Variants in HID1 observed in about 807,000 individuals in gnomAD.
The protein encoded by HID1 is protein HID1.
HID1 carries 42 observed loss-of-function variants against 89.7 expected under a neutral mutation model. The ratio of observed to expected loss-of-function variants is 0.47; its 90% confidence interval spans 0.37 to 0.61. HID1 has a LOEUF of 0.61. Among genes scored for constraint, HID1 ranks in the 20% least tolerant of loss-of-function variants. HID1 has a pLI of 0.00. For missense variants in HID1, 854 were observed against 1,039.3 expected (o/e 0.82, Z 2.45); for synonymous variants, 442 against 433.8 (o/e 1.02, Z -0.24).
chr17:74,958,870 T>G lies in HID1; in HGVS notation c.1149+41A>C. The G allele has an allele frequency of 6.3e-7, 1 of 1,582,662 alleles. No individual in the cohort carries two copies. The highest frequency in any genetic ancestry group is 1.2e-5 in the South Asian group (1 of 86,126). On this transcript the variant is annotated intron_variant, in intron 9 of 18. Coordinates refer to ENST00000425042, the MANE Select transcript of HID1 (RefSeq NM_030630.3). The surrounding 1 kb of genome is among the most constrained non-coding windows in gnomAD (Gnocchi z 5.2). ...CCTGCCCCCGGGTTATTGGGGCAGC[T>G]GCTCTCCATCTCCCTGCAGGGCCCC...
rs1332533119 is a variant in HID1, at chr17:74,963,045, C to T, written c.424G>A (p.Ala142Thr). ...GCAATGGCCAGGAGCAGGGACTCGG[C>T]CAGGGGCCTGGCATGCTCATCATCC... Reference protein sequence around the residue: ...EEDDEHARPLAESLLLAIADL... With the variant: ...EEDDEHARPLTESLLLAIADL... The change falls in exon 4 of 19, where the codon GCC becomes ACC. Residue 142 changes from alanine (A) to threonine (T), a missense_variant. Ala to Thr is a moderately conservative substitution (Grantham distance 58, BLOSUM62 0). Transcript: ENST00000425042. 1 of 1,613,010 alleles carries T rather than the reference C, an allele frequency of 6.2e-7. No homozygotes were observed. The highest frequency in any genetic ancestry group is 8.5e-7 in the Non-Finnish European group (1 of 1,179,504).
chr17:74,958,228 G>A lies in HID1; in HGVS notation c.1393-9C>T. 1 of 1,609,840 alleles carries A rather than the reference G, an allele frequency of 6.2e-7. No homozygotes were observed. The highest frequency in any genetic ancestry group is 8.5e-7 in the Non-Finnish European group (1 of 1,178,268). Reference sequence around the variant, plus strand: ...ATGATCTTGTGGAACACCTGTGCCAGGAGGGACAGAGGCACCGTGGGGTCC... The same window carrying A: ...ATGATCTTGTGGAACACCTGTGCCAAGAGGGACAGAGGCACCGTGGGGTCC... On this transcript the variant is annotated splice_polypyrimidine_tract_variant and intron_variant, in intron 11 of 18. Transcript: ENST00000425042. The surrounding 1 kb of genome is among the most constrained non-coding windows in gnomAD (Gnocchi z 5.2).
chr17:74,952,456 A>G, intron 16 of HID1, 96 bp from the exon 17 acceptor site: 1 of 815,100 alleles, frequency 1.2e-6, no homozygotes, highest in Admixed American at 2.1e-5. Context: ...TCCCCAAGGC[A>G]GAAAGTACCC....
intron 2 of HID1, 153 bp downstream of exon 2, chr17:74,964,330 G>A (rs901882733): frequency 2.0e-5 from 17 of 859,940 alleles, no homozygotes; most frequent in Admixed American, 2.9e-5. Context: ...TGGTCCCAAC[G>A]CCCAGCAAAG....
At chr17:74,964,668 C>T (rs1567964446) in intron 1 of HID1, 36 bp from the exon 2 acceptor site, 3 of 1,595,054 alleles carry the variant, frequency 1.9e-6, no homozygotes, top group Non-Finnish European at 1.7e-6. Flanking sequence ...TTACACAACT[C>T]CTGGCCAGAG....
rs373324483 is a variant in HID1 at position 74,953,657 on chromosome 17, C to A, written c.1865-6G>T. ...CTCGGTCAGCTTGTCAATGCCTGGG[C>A]AGGGCACAGGTGGGAGTGAGGACTC... is the stretch of plus-strand genomic sequence containing the variant. On this transcript the variant is annotated splice_region_variant and splice_polypyrimidine_tract_variant and intron_variant, in intron 14 of 18. Coordinates refer to ENST00000425042, the MANE Select transcript of HID1 (RefSeq NM_030630.3). The A allele has an allele frequency of 2.0e-5, 33 of 1,612,666 alleles. No individual in the cohort carries two copies. Among genetic ancestry groups the A allele is most frequent in the African/African-American group, 2.7e-5 (2 of 74,916 alleles).
chr17:74,962,046 G>T lies in HID1; in HGVS notation c.612-57C>A. 1 of 1,328,944 alleles carries T rather than the reference G, an allele frequency of 7.5e-7. No homozygotes were observed. The highest frequency in any genetic ancestry group is 1.0e-6 in the Non-Finnish European group (1 of 977,912). The allele number at this position is 1,328,944 out of a possible 1,614,324, so 82.3% of individuals were successfully genotyped here. The stretch of plus-strand genomic sequence containing the variant: ...ATCCCAGTCCCCTCTTGGAGGTTCT[G>T]CCCACCCAGCCCAGCGCCCCAGCCC... On this transcript the variant is annotated intron_variant, in intron 5 of 18. Coordinates refer to ENST00000425042, the MANE Select transcript of HID1 (RefSeq NM_030630.3). This position sits in a 1 kb window ranked among gnomAD's most constrained non-coding sequence, Gnocchi z 4.3.
Position 74,953,659 on chromosome 17 carries a change from G to A in HID1, c.1865-8C>T. ...CGGTCAGCTTGTCAATGCCTGGGCA[G>A]GGCACAGGTGGGAGTGAGGACTCCC... On this transcript the variant is annotated splice_region_variant and splice_polypyrimidine_tract_variant and intron_variant, in intron 14 of 18. Transcript: ENST00000425042. 6.2e-7 allele frequency: 1 copy of A among 1,610,534 alleles called. No homozygotes were observed. The highest frequency in any genetic ancestry group is 8.5e-7 in the Non-Finnish European group (1 of 1,176,706).
intron 3 of HID1, 186 bp from the exon 4 acceptor site, chr17:74,963,267 G>A: frequency 1.8e-6 from 1 of 559,140 alleles, no homozygotes; most frequent in East Asian, 3.1e-5. Flanking sequence ...GCACAGCAGG[G>A]AGCCGGGCCG....
At position 74,958,298 on chromosome 17, in the gene HID1, C is replaced by T. The variant is rs771830976; in HGVS notation, c.1392+29G>A. On this transcript the variant is annotated intron_variant, in intron 11 of 18. Coordinates refer to ENST00000425042, the MANE Select transcript of HID1 (RefSeq NM_030630.3). This position sits in a 1 kb window ranked among gnomAD's most constrained non-coding sequence, Gnocchi z 5.2. ...CCAAGAGGACACCACCCCTGCACCTCCTGGGCCCGGCCGCACGAGCCCCCT... is the reference window on the plus strand; with the variant it reads ...CCAAGAGGACACCACCCCTGCACCTTCTGGGCCCGGCCGCACGAGCCCCCT... 1 of 1,611,434 alleles carries T rather than the reference C, an allele frequency of 6.2e-7. No individual in the cohort carries two copies. The highest frequency in any genetic ancestry group is 1.7e-5 in the Admixed American group (1 of 59,742).
intron 1 of HID1, among the ~76,000 whole-genome samples, chr17:74,969,479 C>A (rs2039613122): frequency 6.6e-6 from 1 of 152,190 alleles, no homozygotes; most frequent in Non-Finnish European, 1.5e-5. Flanking sequence ...AGCCACCGCA[C>A]CTAGCCAATA....
rs2039431815 is a variant in HID1, at chr17:74,958,660, AC to A, written c.1240+12del. Reference sequence around the variant, plus strand: ...GGAAAGCCCCCAGCATCCCACCCCCACCCTGGTCTTACACTGATCGGCCCGG... The same window carrying A: ...GGAAAGCCCCCAGCATCCCACCCCCACCTGGTCTTACACTGATCGGCCCGG... On this transcript the variant is annotated intron_variant, in intron 10 of 18. Transcript: ENST00000425042. This position sits in a 1 kb window ranked among gnomAD's most constrained non-coding sequence, Gnocchi z 5.2. The A allele has an allele frequency of 2.1e-6, 1 of 478,030 alleles. No individual in the cohort carries two copies. Among genetic ancestry groups the A allele is most frequent in the Admixed American group, 3.5e-5 (1 of 28,892 alleles). 29.6% of individuals were successfully genotyped at this position (478,030 alleles called of 1,614,324 possible). A position where few individuals can be genotyped will look rare whatever the true frequency, so the allele number is the denominator to read the frequency against.
At chr17:74,953,154 G>A in intron 15 of HID1, 68 bp from the exon 16 acceptor site, 2 of 1,266,322 alleles carry the variant, frequency 1.6e-6, no homozygotes, top group Non-Finnish European at 2.2e-6. Context: ...GGGGGGCAAT[G>A]AGCCCTCTCC....
Position 74,962,640 on chromosome 17 carries a change from G to T in HID1, c.505-300C>A, listed in dbSNP as rs1249027544. On this transcript the variant is annotated intron_variant, in intron 4 of 18. Transcript: ENST00000425042. The surrounding 1 kb of genome is among the most constrained non-coding windows in gnomAD (Gnocchi z 4.3). ...GATTGGGTGCCCCGGGTTTGGGGGT[G>T]GGCAGAGAAGACTCAAGGTGAAGTC... 6.6e-6 allele frequency among the ~76,000 whole-genome samples: 1 copy of T among 152,186 alleles called. No individual in the cohort carries two copies. Among genetic ancestry groups the T allele is most frequent in the Non-Finnish European group, 1.5e-5 (1 of 68,014 alleles).
intron 1 of HID1, among the ~76,000 whole-genome samples, chr17:74,970,295 G>GT (rs2039626956): frequency 6.6e-6 from 1 of 152,162 alleles, no homozygotes; most frequent in South Asian, 2.1e-4. Context: ...GGGAGCAGTT[G>GT]TATCTTTTGA....
Position 74,958,749 on chromosome 17 carries a change from G to A in HID1, c.1164C>T (p.Phe388=), listed in dbSNP as rs1262886212. Residue 388 remains phenylalanine (F), a synonymous_variant, in exon 10 of 19, where the codon TTC becomes TTT. Coordinates refer to ENST00000425042, the MANE Select transcript of HID1 (RefSeq NM_030630.3). The surrounding 1 kb of genome is among the most constrained non-coding windows in gnomAD (Gnocchi z 5.2). The part of the protein sequence containing the change: ...LCDFNKKFLF[F]VLKSSDVLDI... ...CTAGGACGTCGCTGCTCTTCAGCAC[G>A]AAGAAGAGGAATTTCTAGGGGTGCG... is the stretch of plus-strand genomic sequence containing the variant. 8.1e-6 allele frequency: 13 copies of A among 1,608,368 alleles called. No homozygotes were observed. Among genetic ancestry groups the A allele is most frequent in the East Asian group, 2.2e-5 (1 of 44,470 alleles).
At chr17:74,955,204 GGCT>G (rs752732859) in intron 13 of HID1, among the ~76,000 whole-genome samples, 13 of 152,182 alleles carry the variant, frequency 8.5e-5, no homozygotes, top group Non-Finnish European at 1.6e-4. Flanking sequence ...TGGGCAGACG[GGCT>G]GCTAAGATAC....
intron 1 of HID1, among the ~76,000 whole-genome samples, chr17:74,966,222 C>T (rs1183385443): frequency 3.0e-5 from 4 of 135,138 alleles, no homozygotes; most frequent in East Asian, 2.3e-4. Flanking sequence ...AGGCAGAGGT[C>T]GCAGTGAGCC....
In HID1 at chr17:74,964,498, G is replaced by A; in HGVS notation, c.201C>T (p.Ala67=). ...CAGCCCTCACCTTGTAGCACAGGGT[G>A]GCCAAGTTGGAGGGTGACTCTTCCC... The part of the protein sequence containing the change: ...AVREESPSNL[A]TLCYKAVEKL... The change falls in exon 2 of 19, where the codon GCC becomes GCT. Residue 67 remains alanine (A), a synonymous_variant. Transcript: ENST00000425042. The A allele has an allele frequency of 1.2e-6, 2 of 1,610,080 alleles. No individual in the cohort carries two copies. Among genetic ancestry groups the A allele is most frequent in the Admixed American group, 1.7e-5 (1 of 59,474 alleles).
Sources: gnomAD v4.1 joint callset for allele counts (sites outside exome capture counted in the v4.1 genomes callset) on GRCh38, gnomAD v4.1.1 for gene constraint, Gnocchi (gnomAD v3.1) non-coding constraint, MANE v1.5 for transcripts, NCBI Gene and HGNC (gene_info 2026-07-23, HGNC 2026-07-21) for gene names.